The following PIK3CD variants were observed in gnomAD, a reference collection of about 807,000 sequenced individuals.
The protein encoded by PIK3CD is phosphatidylinositol 4,5-bisphosphate 3-kinase catalytic subunit delta isoform.
A neutral mutation model predicts 122.9 loss-of-function variants in PIK3CD; 20 were observed. The ratio of observed to expected loss-of-function variants is 0.16; its 90% confidence interval spans 0.11 to 0.24. PIK3CD has a LOEUF of 0.24. Ranked by LOEUF, PIK3CD falls within the 10% of genes least tolerant of loss-of-function variation. PIK3CD has a pLI of 1.00. For synonymous variants in PIK3CD, 596 were observed against 593.4 expected, an observed-to-expected ratio of 1.00 and a Z score of -0.06; for missense variants, 787 against 1,406.3, an observed-to-expected ratio of 0.56 and a Z score of 7.04.
intron 2 of PIK3CD, among the ~76,000 whole-genome samples, chr1:9,699,646 A>C (rs1646553614): frequency 6.6e-6 from 1 of 151,228 alleles, no homozygotes; most frequent in South Asian, 2.1e-4. Flanking sequence ...GTCCAGGCCG[A>C]AGTGCAATGG....
chr1:9,692,132 C>T (rs909748554), intron 2 of PIK3CD, among the ~76,000 whole-genome samples: 1 of 152,066 alleles, frequency 6.6e-6, no homozygotes, highest in Admixed American at 6.5e-5. Flanking sequence ...GGCCAGAGAC[C>T]GACACTGGCT....
At chr1:9,641,030 C>T in the PIK3CD span, among the ~76,000 whole-genome samples, 3 of 152,186 alleles carry the variant, frequency 2.0e-5, no homozygotes, top group African/African-American at 7.2e-5. Context: ...CTGTAGTCCC[C>T]CTTCCCCTGT....
intron 1 of PIK3CD, among the ~76,000 whole-genome samples, chr1:9,659,331 T>C (rs1481923240): frequency 6.6e-6 from 1 of 152,148 alleles, no homozygotes; most frequent in Admixed American, 6.5e-5. Flanking sequence ...TAAAAAATAA[T>C]TTAGTCGTAA....
rs1275063960 is a variant in PIK3CD, at chr1:9,720,304, C to G, written c.1470+62C>G. ...GGCGCGGAGCTCTCCTGGCCCTGCT[C>G]CTGGAGCTCTTCAGAGGGTGCTCCC... On this transcript the variant is annotated intron_variant, in intron 11 of 23. Coordinates refer to ENST00000377346, the MANE Select transcript of PIK3CD (RefSeq NM_005026.5). This position sits in a 1 kb window ranked among gnomAD's most constrained non-coding sequence, Gnocchi z 9.0. The G allele has an allele frequency of 1.3e-5, 21 of 1,557,304 alleles. No homozygotes were observed. The highest frequency in any genetic ancestry group is 1.8e-5 in the Non-Finnish European group (21 of 1,147,520).
At chr1:9,651,059 TG>T (rs1644663212), upstream of PIK3CD, among the ~76,000 whole-genome samples, 1 of 152,176 alleles carries the variant, frequency 6.6e-6, no homozygotes, top group Non-Finnish European at 1.5e-5. Flanking sequence ...TTGCCCAGGC[TG>T]GCTTGAATTC....
chr1:9,708,661 A>G (rs1162399865), intron 2 of PIK3CD, among the ~76,000 whole-genome samples: 1 of 151,966 alleles, frequency 6.6e-6, no homozygotes, highest in African/African-American at 2.4e-5. Flanking sequence ...CAACCTGGCC[A>G]ACATGGTGAA....
intron 1 of PIK3CD, chr1:9,653,625 TC>T (rs1051967412): frequency 2.3e-6 from 1 of 430,214 alleles, no homozygotes; most frequent in East Asian, 5.7e-5. Flanking sequence ...TCACACCCCC[TC>T]CCCAATTTGA....
chr1:9,723,275 G>A lies in PIK3CD; in HGVS notation c.2577G>A (p.Leu859=). ...ACAAGGATGCCCTGCTCAACTGGCT[G>A]AAGTCCAAGAACCCGGGGTGGGTTT... is the stretch of plus-strand genomic sequence containing the variant. The part of the protein sequence containing the change: ...AFNKDALLNW[L]KSKNPGEALD... The change falls in exon 20 of 24, where the codon CTG becomes CTA. Residue 859 remains leucine (L), a synonymous_variant. Transcript: ENST00000377346. This position sits in a 1 kb window ranked among gnomAD's most constrained non-coding sequence, Gnocchi z 4.9. 1 of 1,614,032 alleles carries A rather than the reference G, an allele frequency of 6.2e-7. No homozygotes were observed.
At chr1:9,681,399 G>GGCT (rs755814317) in intron 1 of PIK3CD, among the ~76,000 whole-genome samples, 3 of 152,114 alleles carry the variant, frequency 2.0e-5, no homozygotes, top group Non-Finnish European at 4.4e-5. Context: ...CACCATGCCT[G>GGCT]GCTGCTGCTG....
chr1:9,634,618 C>T, the PIK3CD span, among the ~76,000 whole-genome samples: 1 of 152,192 alleles, frequency 6.6e-6, no homozygotes, highest in Non-Finnish European at 1.5e-5. Flanking sequence ...CTTAACACTT[C>T]AGCCTTTGAG....
rs747434767 is a variant in PIK3CD at position 9,715,491 on chromosome 1, T to G, written c.142-50T>G. ...CTCCACCCTCCCTCAGCCTCCCACC[T>G]CCCAGTGGCTGCCTTGGGTGGAGGG... On this transcript the variant is annotated intron_variant, in intron 3 of 23. Transcript: ENST00000377346. This position sits in a 1 kb window ranked among gnomAD's most constrained non-coding sequence, Gnocchi z 4.1. The G allele has an allele frequency of 2.3e-5, 35 of 1,541,558 alleles. 1 individual carries two copies. Among genetic ancestry groups the G allele is most frequent in the Non-Finnish European group, 2.2e-5 (25 of 1,118,486 alleles).
chr1:9,683,055 TGGGG>T (rs753764771), intron 1 of PIK3CD, among the ~76,000 whole-genome samples: 5 of 138,400 alleles, frequency 3.6e-5, no homozygotes, highest in African/African-American at 1.1e-4. Flanking sequence ...TTTTTTTTTT[TGGGG>T]GGCTGGGTCT....
chr1:9,647,358 C>T (rs1005049798), upstream of PIK3CD, among the ~76,000 whole-genome samples: 1 of 151,944 alleles, frequency 6.6e-6, no homozygotes, highest in African/African-American at 2.4e-5. Context: ...TGCACCACCG[C>T]ACTCCAGCCT....
At chr1:9,649,448 G>A (rs1487857014), upstream of PIK3CD, among the ~76,000 whole-genome samples, 1 of 152,046 alleles carries the variant, frequency 6.6e-6, no homozygotes, top group Non-Finnish European at 1.5e-5. Flanking sequence ...ACCCAGGCTG[G>A]TCTCAAACTC....
intron 1 of PIK3CD, among the ~76,000 whole-genome samples, chr1:9,664,838 G>T (rs1228737855): frequency 2.0e-5 from 3 of 152,112 alleles, no homozygotes; most frequent in African/African-American, 7.2e-5. Context: ...ACTCTTCTGG[G>T]CATTGTCATC....
At chr1:9,671,262 G>C (rs115181894) in intron 1 of PIK3CD, among the ~76,000 whole-genome samples, 1 of 151,950 alleles carries the variant, frequency 6.6e-6, no homozygotes, top group African/African-American at 2.4e-5. Context: ...ATCACACCCC[G>C]CTCATTTTGT....
intron 1 of PIK3CD, among the ~76,000 whole-genome samples, chr1:9,666,620 AG>A (rs1156290717): frequency 6.6e-6 from 1 of 152,092 alleles, no homozygotes; most frequent in Non-Finnish European, 1.5e-5. Flanking sequence ...GGTCAGGTGT[AG>A]TGGCTCACAC....
At chr1:9,640,047 T>C in the PIK3CD span, among the ~76,000 whole-genome samples, 7 of 151,686 alleles carry the variant, frequency 4.6e-5, no homozygotes, top group Admixed American at 4.6e-4. Context: ...CGACCTCCTT[T>C]CTTTCTTTCT....
At chr1:9,721,354 C>T (rs12735071) in intron 14 of PIK3CD, 90 bp from the exon 15 acceptor site, 1 of 1,607,742 alleles carries the variant, frequency 6.2e-7, no homozygotes, top group East Asian at 2.2e-5. Flanking sequence ...GGCTTGCTCC[C>T]TCCTGCCTGG....
Sources: allele counts gnomAD v4.1 joint callset (sites outside exome capture counted in the v4.1 genomes callset), GRCh38; gene constraint gnomAD v4.1.1; non-coding constraint Gnocchi (gnomAD v3.1); transcripts MANE v1.5; gene names NCBI Gene and HGNC (gene_info 2026-07-23, HGNC 2026-07-21).